Variants in DMTF1 observed in about 807,000 individuals in gnomAD.
DMTF1 encodes the protein cyclin D binding myb like transcription factor 1.
In DMTF1, 39 loss-of-function variants were observed where a neutral mutation model predicts 91.1. The ratio of observed to expected loss-of-function variants is 0.43; its 90% CI spans 0.33 to 0.56. DMTF1 has a LOEUF of 0.56. Ranked by LOEUF, DMTF1 falls within the 20% of genes least tolerant of loss-of-function variation. The pLI is 0.05. For missense variants in DMTF1, 750 were observed against 914.5 expected, an observed-to-expected ratio of 0.82 and a Z score of 2.32; for synonymous variants, 338 against 309.5, an observed-to-expected ratio of 1.09 and a Z score of -0.97.
Position 87,193,766 on chromosome 7 carries a change from G to A in DMTF1, c.1692G>A (p.Gln564=), listed in dbSNP as rs545821252. 15 of 1,612,340 alleles carry A rather than the reference G, an allele frequency of 9.3e-6. No individual in the cohort carries two copies. In the South Asian group the frequency reaches 1.6e-4, roughly 18 times the overall value. Residue 564 remains glutamine, a synonymous_variant, in exon 16 of 18, where the codon CAG becomes CAA. Transcript: ENST00000331242. The stretch of plus-strand genomic sequence containing the variant: ...ACACAAGTGATAATGTTACAGTGCA[G>A]TGTCACACACCAAGAGTCATCATTC... The part of the protein sequence containing the change: ...LLNTSDNVTV[Q]CHTPRVIIQT...
chr7:87,180,081 T>A (rs1409266078), intron 8 of DMTF1, among the ~76,000 whole-genome samples: 4 of 152,266 alleles, frequency 2.6e-5, no homozygotes, highest in South Asian at 2.1e-4. Context: ...GGCCTTTTTT[T>A]AAATCCAGAA....
intron 11 of DMTF1, 27 bp from the exon 12 acceptor site, chr7:87,185,802 C>CT: frequency 1.9e-6 from 3 of 1,612,890 alleles, no homozygotes; most frequent in Middle Eastern, 1.7e-4. Context: ...AATTTAATGT[C>CT]TAACGATGCT....
intron 1 of DMTF1, among the ~76,000 whole-genome samples, chr7:87,157,846 G>GTT (rs199764964): frequency 9.6e-4 from 138 of 143,618 alleles, no homozygotes; most frequent in African/African-American, 3.4e-3. Context: ...AAGGTTATGT[G>GTT]TTTTTTTTTT....
chr7:87,179,847 G>A lies in DMTF1; in HGVS notation c.677+145G>A. The stretch of plus-strand genomic sequence containing the variant: ...CCTCCAGGTCCATGTTGTGAATATG[G>A]TGAAACCTTATTATTAAAGCCTCTT... On this transcript the variant is annotated intron_variant, in intron 8 of 17. Transcript: ENST00000331242. The A allele has an allele frequency of 4.2e-6, 3 of 711,490 alleles. No individual in the cohort carries two copies. The South Asian group carries it at 7.1e-5, about 17-fold the overall frequency. 44.1% of individuals were successfully genotyped at this position (711,490 alleles called of 1,614,324 possible).
At chr7:87,166,879 A>C (rs866738041) in intron 4 of DMTF1, among the ~76,000 whole-genome samples, 20 of 151,642 alleles carry the variant, frequency 1.3e-4, no homozygotes, top group African/African-American at 4.8e-4. Flanking sequence ...TGTGCTTTTC[A>C]TGAAAATTAC....
intron 5 of DMTF1, among the ~76,000 whole-genome samples, chr7:87,173,134 A>C (rs370127831): frequency 1.3e-5 from 2 of 152,174 alleles, no homozygotes; most frequent in South Asian, 4.1e-4. Flanking sequence ...CCATTTTCCT[A>C]TCTAGAACAG....
Position 87,192,118 on chromosome 7 carries a change from C to G in DMTF1, c.1495-1080C>G, listed in dbSNP as rs564425207. Among the ~76,000 whole-genome samples, 10 of 152,096 alleles carry G rather than the reference C, an allele frequency of 6.6e-5. No homozygotes were observed. In the South Asian group the frequency reaches 1.7e-3, roughly 25 times the overall value. On this transcript the variant is annotated intron_variant, in intron 14 of 17. Coordinates refer to ENST00000331242, the MANE Select transcript of DMTF1 (RefSeq NM_001142327.2). ...CCTGGTAAACAATATATGTACACAC[C>G]TACATATTTGAGGTATGTGTTCAGG...
chr7:87,173,643 A>C lies in DMTF1; in HGVS notation c.436A>C (p.Asn146His). The C allele has an allele frequency of 6.2e-7, 1 of 1,601,652 alleles. No individual in the cohort carries two copies. The highest frequency in any genetic ancestry group is 8.5e-7 in the Non-Finnish European group (1 of 1,170,998). The change falls in exon 6 of 18, where the codon AAT (asparagine) becomes CAT (histidine). Residue 146 changes from asparagine to histidine, a missense_variant. Coordinates refer to ENST00000331242, the MANE Select transcript of DMTF1 (RefSeq NM_001142327.2). ...TTKEDKDSLTNKGHKWKQGMW... is the reference protein window; with the variant it reads ...TTKEDKDSLTHKGHKWKQGMW... ...TAAAGAAGATAAGGATTCTCTGACT[A>C]ATAAAGGTAAGATAACACTGTGAAT...
intron 5 of DMTF1, among the ~76,000 whole-genome samples, chr7:87,172,121 T>G (rs961330431): frequency 1.3e-5 from 2 of 152,222 alleles, no homozygotes; most frequent in Admixed American, 6.5e-5. Context: ...GAGTATTGTA[T>G]GTATCAAGGT....
rs1272272848 is a variant in DMTF1 at position 87,159,064 on chromosome 7, TG to T, written c.-131-4429del. ...AATCTAAATAAAAATTTACAGATGGTGGTTGAAATCCTGTCAACTTTCAGCC... is the reference window on the plus strand; with the variant it reads ...AATCTAAATAAAAATTTACAGATGGTGTTGAAATCCTGTCAACTTTCAGCC... On this transcript the variant is annotated intron_variant, in intron 1 of 17. Coordinates refer to ENST00000331242, the MANE Select transcript of DMTF1 (RefSeq NM_001142327.2). Among the ~76,000 whole-genome samples, 5 of 152,240 alleles carry T rather than the reference TG, an allele frequency of 3.3e-5. No homozygotes were observed. In the East Asian group the frequency reaches 9.6e-4, roughly 29 times the overall value.
rs923303286 is a variant in DMTF1, at chr7:87,194,790, T to A, written c.2135T>A (p.Ile712Lys). ...GGCTTTATCCAGGCATCTGATGTTATAGATACTGAATCTGTCTTGCCTTTG... is the reference window on the plus strand; with the variant it reads ...GGCTTTATCCAGGCATCTGATGTTAAAGATACTGAATCTGTCTTGCCTTTG... ...PHGFIQASDV[I>K]DTESVLPLTT... The change falls in exon 17 of 18, where the codon ATA becomes AAA. Residue 712 changes from isoleucine (I) to lysine (K), a missense_variant. Physicochemically the swap from Ile to Lys is moderately radical, Grantham distance 102 (BLOSUM62 -3). Transcript: ENST00000331242. The A allele has an allele frequency of 6.8e-6, 11 of 1,612,094 alleles. No homozygotes were observed. The highest frequency in any genetic ancestry group is 9.3e-6 in the Non-Finnish European group (11 of 1,178,878).
chr7:87,194,748 T>C lies in DMTF1; in HGVS notation c.2093T>C (p.Ile698Thr), dbSNP rs372217810. 285 of 1,611,922 alleles carry C rather than the reference T, an allele frequency of 1.8e-4. 5 individuals carry two copies. In the Middle Eastern group the frequency reaches 2.2e-3, roughly 12 times the overall value. Residue 698 changes from isoleucine to threonine, a missense_variant, in exon 17 of 18, where the codon ATC becomes ACC. By Grantham distance (89) the Ile-to-Thr change is moderately conservative. Around this residue, in one of 3 missense-constraint regions of DMTF1, gnomAD observed 410 missense variants for 420.2 expected, o/e 0.98. Coordinates refer to ENST00000331242, the MANE Select transcript of DMTF1 (RefSeq NM_001142327.2). ...ACAATTGATGATGAAACAATACTTA[T>C]CGTTCCTTCACCACATGGCTTTATC... is the stretch of plus-strand genomic sequence containing the variant. ...DQTIDDETIL[I>T]VPSPHGFIQA...
chr7:87,164,955 A>G lies in DMTF1; in HGVS notation c.14A>G (p.Glu5Gly), dbSNP rs1445985017. ...ACAGATTTGAGTATGAGCACAGTGG[A>G]AGAGGATTCTGACACAGTAACAGTA... MSTVEEDSDTVTVET... is the reference protein window; with the variant it reads MSTVGEDSDTVTVET... The change falls in exon 3 of 18, where the codon GAA becomes GGA. Residue 5 changes from glutamate (E) to glycine (G), a missense_variant. Glu to Gly is a moderately conservative substitution (Grantham distance 98). Transcript: ENST00000331242. The G allele has an allele frequency of 6.2e-7, 1 of 1,607,916 alleles. No individual in the cohort carries two copies. The highest frequency in any genetic ancestry group is 8.5e-7 in the Non-Finnish European group (1 of 1,176,766).
chr7:87,172,216 GA>G (rs1795221643), intron 5 of DMTF1, among the ~76,000 whole-genome samples: 1 of 152,126 alleles, frequency 6.6e-6, no homozygotes, highest in Admixed American at 6.6e-5. Context: ...CAGAATATAA[GA>G]AGCCTTAGAC....
intron 13 of DMTF1, among the ~76,000 whole-genome samples, chr7:87,189,680 G>GA (rs1372672344): frequency 6.6e-6 from 1 of 152,072 alleles, no homozygotes; most frequent in Admixed American, 6.6e-5. Context: ...TTAGGTTAGG[G>GA]AACAGGGATC....
chr7:87,191,915 C>T (rs1224657408), intron 14 of DMTF1, among the ~76,000 whole-genome samples: 1 of 152,074 alleles, frequency 6.6e-6, no homozygotes, highest in Non-Finnish European at 1.5e-5. Flanking sequence ...ATTATTAGTG[C>T]AAGACTTTAT....
intron 12 of DMTF1, chr7:87,187,746 G>A (rs1584436340): frequency 8.0e-6 from 2 of 251,264 alleles, no homozygotes; most frequent in East Asian, 2.1e-4. Flanking sequence ...ATGAAAATAA[G>A]CTGTTTAGCA....
chr7:87,180,220 T>C (rs1256285649), intron 8 of DMTF1, among the ~76,000 whole-genome samples: 1 of 152,234 alleles, frequency 6.6e-6, no homozygotes, highest in Non-Finnish European at 1.5e-5. Flanking sequence ...TTAATTTCTC[T>C]TTGGAAATTT....
rs767153921 is a variant in DMTF1 at position 87,181,326 on chromosome 7, T to C, written c.695T>C (p.Ile232Thr). ...NHVGKYTPEE[I>T]EKLKELRIKH... is the part of the protein sequence containing the mutation. ...ATTTCTAGATATACACCTGAAGAAA[T>C]TGAGAAGCTCAAGGAGTAAGTTTTA... The change falls in exon 9 of 18, where the codon ATT becomes ACT. Residue 232 changes from isoleucine to threonine, a missense_variant. Transcript: ENST00000331242. 8.5e-6 allele frequency: 11 copies of C among 1,289,768 alleles called. No homozygotes were observed. The highest frequency in any genetic ancestry group is 4.8e-5 in the East Asian group (2 of 41,576). The allele number at this position is 1,289,768 out of a possible 1,614,324, so 79.9% of individuals were successfully genotyped here.
Sources: allele counts gnomAD v4.1 joint callset (sites outside exome capture counted in the v4.1 genomes callset), GRCh38; gene constraint gnomAD v4.1.1; regional missense constraint gnomAD v4.1.1; transcripts MANE v1.5; gene names NCBI Gene and HGNC (gene_info 2026-07-23, HGNC 2026-07-21).